ROR1: variants seen among roughly 807,000 people sequenced by gnomAD.
ROR1 encodes the protein ROR family WNT receptor 1, also known as inactive tyrosine-protein kinase transmembrane receptor ROR1.
A neutral mutation model predicts 78.8 loss-of-function variants in ROR1; 19 were observed. The ratio of observed to expected loss-of-function variants is 0.24; its 90% CI spans 0.17 to 0.35. ROR1 has a LOEUF of 0.35. ROR1 is among the 10% of genes least tolerant of loss of function. The probability of loss-of-function intolerance (pLI) is 1.00; values close to 1 mark genes in which losing one functional copy is unlikely to be tolerated. For synonymous variants in ROR1, 386 were observed against 433.6 expected, an observed-to-expected ratio of 0.89 and a Z score of 1.36; for missense variants, 917 against 1,177.8, an observed-to-expected ratio of 0.78 and a Z score of 3.24.
chr1:63,933,937 A>G (rs563208456), intron 1 of ROR1, among the ~76,000 whole-genome samples: 2 of 152,184 alleles, frequency 1.3e-5, no homozygotes, highest in South Asian at 2.1e-4. Context: ...GCCACAGTGA[A>G]TAAGGAAGTA....
chr1:63,796,769 A>G (rs1644763696), intron 1 of ROR1, among the ~76,000 whole-genome samples: 1 of 151,998 alleles, frequency 6.6e-6, no homozygotes, highest in South Asian at 2.1e-4. Flanking sequence ...CGGTGGAGAG[A>G]GGAGAGGAGG....
chr1:64,177,006 G>A (rs1469914078), intron 8 of ROR1, among the ~76,000 whole-genome samples: 1 of 152,226 alleles, frequency 6.6e-6, no homozygotes, highest in Non-Finnish European at 1.5e-5. Flanking sequence ...TGAGTACCAG[G>A]CTGTAGCCTC....
At chr1:64,102,522 G>A (rs1340342874) in intron 4 of ROR1, among the ~76,000 whole-genome samples, 1 of 152,042 alleles carries the variant, frequency 6.6e-6, no homozygotes, top group African/African-American at 2.4e-5. Context: ...TTCATTGTTG[G>A]GCCTCATAGC....
chr1:63,862,609 G>A (rs1212796659), intron 1 of ROR1, among the ~76,000 whole-genome samples: 2 of 151,948 alleles, frequency 1.3e-5, no homozygotes, highest in Non-Finnish European at 2.9e-5. Flanking sequence ...GAGATGACCA[G>A]GTTCCATGGC....
chr1:64,123,880 T>A (rs1648627203), intron 4 of ROR1, among the ~76,000 whole-genome samples: 1 of 152,186 alleles, frequency 6.6e-6, no homozygotes, highest in Admixed American at 6.5e-5. Context: ...ACTTATTGTT[T>A]TGAGCCTAGA....
intron 2 of ROR1, among the ~76,000 whole-genome samples, chr1:64,020,822 A>G (rs1272809666): frequency 4.6e-5 from 7 of 152,168 alleles, no homozygotes; most frequent in Non-Finnish European, 8.8e-5. Flanking sequence ...AGACATTATT[A>G]TGAGGCAGTG....
chr1:64,021,493 C>T (rs1429870486), intron 2 of ROR1, among the ~76,000 whole-genome samples: 1 of 152,318 alleles, frequency 6.6e-6, no homozygotes. Context: ...ATACCTGACA[C>T]TTCCTGAGCA....
chr1:64,148,992 A>G (rs1454833469), intron 7 of ROR1, among the ~76,000 whole-genome samples: 1 of 150,760 alleles, frequency 6.6e-6, no homozygotes, highest in African/African-American at 2.4e-5. Flanking sequence ...TGTAGCCTAC[A>G]ATCTAATGAA....
At chr1:63,847,996 TC>T (rs1645092030) in intron 1 of ROR1, among the ~76,000 whole-genome samples, 1 of 152,202 alleles carries the variant, frequency 6.6e-6, no homozygotes, top group Non-Finnish European at 1.5e-5. Flanking sequence ...CTTCCTGAGC[TC>T]CCTTTTTGTT....
chr1:64,119,649 A>G (rs909731811), intron 4 of ROR1, among the ~76,000 whole-genome samples: 2 of 151,724 alleles, frequency 1.3e-5, no homozygotes, highest in Non-Finnish European at 2.9e-5. Context: ...AAAAAAAAAA[A>G]AAAAAAAAAA....
intron 1 of ROR1, among the ~76,000 whole-genome samples, chr1:63,941,031 G>A (rs545050631): frequency 1.2e-4 from 19 of 152,234 alleles, no homozygotes; most frequent in Admixed American, 6.5e-4. Context: ...TCCTGTATTT[G>A]TCATAGGCCA....
At chr1:64,019,321 C>T (rs1646546160) in intron 2 of ROR1, among the ~76,000 whole-genome samples, 2 of 152,126 alleles carry the variant, frequency 1.3e-5, no homozygotes, top group South Asian at 4.1e-4. Flanking sequence ...GTGAGAAGTC[C>T]TTGGTTTATA....
intron 2 of ROR1, among the ~76,000 whole-genome samples, chr1:64,017,834 T>C (rs889087957): frequency 3.9e-5 from 6 of 152,228 alleles, no homozygotes; most frequent in African/African-American, 1.4e-4. Flanking sequence ...CTCCTGTTTT[T>C]ACCATTTAGA....
At chr1:63,954,383 G>T (rs1245959863) in intron 1 of ROR1, among the ~76,000 whole-genome samples, 1 of 152,166 alleles carries the variant, frequency 6.6e-6, no homozygotes, top group East Asian at 1.9e-4. Context: ...TAGCTGCAAG[G>T]GAGGCTGGAC....
intron 1 of ROR1, among the ~76,000 whole-genome samples, chr1:63,914,887 T>G (rs1645597617): frequency 6.6e-6 from 1 of 152,152 alleles, no homozygotes; most frequent in Admixed American, 6.5e-5. Context: ...TTAGAATTGA[T>G]GCTCACAGCT....
intron 1 of ROR1, among the ~76,000 whole-genome samples, chr1:63,954,891 G>A (rs541028435): frequency 1.3e-5 from 2 of 152,164 alleles, no homozygotes; most frequent in Non-Finnish European, 2.9e-5. Context: ...ACTGTAATTA[G>A]TTGGATTCCA....
intron 8 of ROR1, among the ~76,000 whole-genome samples, chr1:64,169,050 T>G (rs943388149): frequency 6.6e-6 from 1 of 152,260 alleles, no homozygotes; most frequent in Admixed American, 6.5e-5. Context: ...CCTGCTCTGA[T>G]GTAGACTATG....
intron 1 of ROR1, among the ~76,000 whole-genome samples, chr1:63,964,592 C>G (rs973746629): frequency 6.6e-6 from 1 of 152,166 alleles, no homozygotes; most frequent in Non-Finnish European, 1.5e-5. Context: ...TACAGTTGAT[C>G]TTCGAGGGTT....
At chr1:64,078,560 C>G (rs1312827466) in intron 4 of ROR1, among the ~76,000 whole-genome samples, 1 of 151,934 alleles carries the variant, frequency 6.6e-6, no homozygotes, top group Non-Finnish European at 1.5e-5. Context: ...AGATGCAGAG[C>G]CTATTCCTAG....
Sources: gnomAD v4.1 joint callset for allele counts (sites outside exome capture counted in the v4.1 genomes callset) on GRCh38, gnomAD v4.1.1 for gene constraint, MANE v1.5 for transcripts, NCBI Gene and HGNC (gene_info 2026-07-23, HGNC 2026-07-21) for gene names.